APC: variants seen among roughly 807,000 people sequenced by gnomAD.
APC encodes adenomatous polyposis coli protein.
A neutral mutation model predicts 247.0 loss-of-function variants in APC; 72 were observed. That is an observed-to-expected ratio of 0.29 (90% CI 0.24 to 0.35). The LOEUF (loss-of-function observed/expected upper bound fraction) is 0.35, where lower values mean the gene tolerates loss of function less well. Among genes scored for constraint, APC ranks in the 10% least tolerant of loss-of-function variants. The pLI is 1.00. For synonymous variants in APC, 1,254 were observed against 1,162.5 expected, an observed-to-expected ratio of 1.08 and a Z score of -1.60; for missense variants, 3,400 against 3,360.7, an observed-to-expected ratio of 1.01 and a Z score of -0.29.
intron 1 of APC, among the ~76,000 whole-genome samples, chr5:112,722,350 A>G (rs2149658576): frequency 6.6e-6 from 1 of 152,360 alleles, no homozygotes; most frequent in South Asian, 2.1e-4. Context: ...AATCGTTAAC[A>G]TAGTAAAAGA....
rs587782349 is a variant in APC, at chr5:112,840,035, G to C, written c.4441G>C (p.Val1481Leu). ...AVNAAVQRVQ[V>L]LPDADTLLHF... is the part of the protein sequence containing the mutation. The stretch of plus-strand genomic sequence containing the variant: ...AAATGCTGCAGTTCAGAGGGTCCAG[G>C]TTCTTCCAGATGCTGATACTTTATT... Residue 1481 changes from valine (V) to leucine (L), a missense_variant, in exon 16 of 16, where the codon GTT becomes CTT. Val to Leu is a conservative substitution (Grantham distance 32). This residue lies in a region of APC where 1,788 missense variants were observed against 1,649.5 expected (regional missense o/e 1.08). Transcript: ENST00000257430. This position sits in a 1 kb window ranked among gnomAD's most constrained non-coding sequence, Gnocchi z 4.1. The C allele has an allele frequency of 1.2e-6, 2 of 1,614,108 alleles. No individual in the cohort carries two copies. Among genetic ancestry groups the C allele is most frequent in the South Asian group, 1.1e-5 (1 of 91,072 alleles).
Position 112,838,138 on chromosome 5 carries a change from A to G in APC, c.2544A>G (p.Lys848=), listed in dbSNP as rs764867930. Residue 848 remains lysine, a synonymous_variant, in exon 16 of 16, where the codon AAA becomes AAG. Transcript: ENST00000257430. The part of the protein sequence containing the change: ...RGSLDSSRSE[K]DRSLERERGI... ...GCTTAGATAGTTCTCGTTCTGAAAA[A>G]GATAGAAGTTTGGAGAGAGAACGCG... is the stretch of plus-strand genomic sequence containing the variant. 6.2e-7 allele frequency: 1 copy of G among 1,614,168 alleles called. No homozygotes were observed. Among genetic ancestry groups the G allele is most frequent in the Non-Finnish European group, 8.5e-7 (1 of 1,180,026 alleles).
In APC at chr5:112,842,076, G is replaced by C. The variant is rs1374834291; in HGVS notation, c.6482G>C (p.Ser2161Thr). 1 of 1,610,712 alleles carries C rather than the reference G, an allele frequency of 6.2e-7. No individual in the cohort carries two copies. The highest frequency in any genetic ancestry group is 8.5e-7 in the Non-Finnish European group (1 of 1,177,116). ...GATCAAGAAGAAAAACCCTTTACAA[G>C]TAATAAAGGCCCACGAATTCTAAAA... is the stretch of plus-strand genomic sequence containing the variant. Reference protein sequence around the residue: ...TPDQEEKPFTSNKGPRILKPG... With the variant: ...TPDQEEKPFTTNKGPRILKPG... The change falls in exon 16 of 16, where the codon AGT (serine) becomes ACT (threonine). Residue 2161 changes from serine to threonine, a missense_variant. Coordinates refer to ENST00000257430, the MANE Select transcript of APC (RefSeq NM_000038.6).
intron 8 of APC, among the ~76,000 whole-genome samples, chr5:112,811,767 A>G (rs969658470): frequency 6.6e-6 from 1 of 152,232 alleles, no homozygotes; most frequent in African/African-American, 2.4e-5. Context: ...CTATTGCTGC[A>G]TAACAAATTG....
chr5:112,724,724 G>T (rs10075377), intron 1 of APC, among the ~76,000 whole-genome samples: 60,226 of 151,950 alleles, frequency 0.4, 14,017 homozygotes, highest in East Asian at 0.67. Flanking sequence ...AAAAGCAGAT[G>T]TAAGAACCTT....
chr5:112,784,518 T>C (rs919461930), intron 6 of APC, among the ~76,000 whole-genome samples: 3 of 152,234 alleles, frequency 2.0e-5, no homozygotes, highest in African/African-American at 4.8e-5. Context: ...ATACTTACTT[T>C]AGGGCAGAAT....
chr5:112,716,652 C>T (rs1751187901), intron 1 of APC, among the ~76,000 whole-genome samples: 1 of 152,052 alleles, frequency 6.6e-6, no homozygotes, highest in African/African-American at 2.4e-5. Context: ...TAAGATGCTC[C>T]ATTATGATTG....
intron 5 of APC, 115 bp from the exon 6 acceptor site, chr5:112,780,675 C>T: frequency 1.4e-6 from 1 of 734,712 alleles, no homozygotes; most frequent in South Asian, 1.6e-5. Context: ...TCTCATGCAC[C>T]ATGACTGACG....
rs2149916643 is a variant in APC, at chr5:112,840,113, A to G, written c.4519A>G (p.Ser1507Gly). 1 of 1,614,148 alleles carries G rather than the reference A, an allele frequency of 6.2e-7. No homozygotes were observed. Among genetic ancestry groups the G allele is most frequent in the Non-Finnish European group, 8.5e-7 (1 of 1,180,016 alleles). ...PDGFSCSSSL[S>G]ALSLDEPFIQ... ...TGGATTTTCTTGTTCATCCAGCCTG[A>G]GTGCTCTGAGCCTCGATGAGCCATT... Residue 1507 changes from serine (S) to glycine (G), a missense_variant, in exon 16 of 16, where the codon AGT becomes GGT. Ser to Gly is a moderately conservative substitution (Grantham distance 56). Coordinates refer to ENST00000257430, the MANE Select transcript of APC (RefSeq NM_000038.6). The surrounding 1 kb of genome is among the most constrained non-coding windows in gnomAD (Gnocchi z 4.1).
chr5:112,814,946 ATTTC>A (rs1762346257), intron 8 of APC, among the ~76,000 whole-genome samples: 1 of 152,142 alleles, frequency 6.6e-6, no homozygotes, highest in African/African-American at 2.4e-5. Flanking sequence ...CTATGCAGTA[ATTTC>A]TTTCTTCCTG....
Position 112,843,333 on chromosome 5 carries a change from C to T in APC, c.7739C>T (p.Ser2580Phe), listed in dbSNP as rs1012830859. ...SSSILSASSE[S>F]SEKAKSEDEK... is the part of the protein sequence containing the mutation. ...TCAATTCTTTCTGCTTCATCAGAAT[C>T]CAGTGAAAAAGCAAAAAGTGAGGAT... Residue 2580 changes from serine to phenylalanine, a missense_variant, in exon 16 of 16, where the codon TCC (serine) becomes TTC (phenylalanine). Ser to Phe is a radical substitution (Grantham distance 155, BLOSUM62 -2). This residue lies in a region of APC where 1,788 missense variants were observed against 1,649.5 expected (regional missense o/e 1.08). Coordinates refer to ENST00000257430, the MANE Select transcript of APC (RefSeq NM_000038.6). The surrounding 1 kb of genome is among the most constrained non-coding windows in gnomAD (Gnocchi z 4.8). The T allele has an allele frequency of 6.2e-7, 1 of 1,613,672 alleles. No individual in the cohort carries two copies. Among genetic ancestry groups the T allele is most frequent in the South Asian group, 1.1e-5 (1 of 91,050 alleles).
intron 5 of APC, among the ~76,000 whole-genome samples, chr5:112,778,778 C>T (rs1203578191): frequency 1.3e-5 from 2 of 152,102 alleles, no homozygotes; most frequent in African/African-American, 4.8e-5. Flanking sequence ...ATCCTGACCT[C>T]GTGATCCACC....
chr5:112,756,505 T>TAAA (rs775730929), intron 2 of APC, among the ~76,000 whole-genome samples: 1 of 152,230 alleles, frequency 6.6e-6, no homozygotes, highest in Non-Finnish European at 1.5e-5. Flanking sequence ...CATGTGTTTT[T>TAAA]AAAAGTTTTA....
At chr5:112,807,254 A>G (rs891948939) in intron 8 of APC, among the ~76,000 whole-genome samples, 5 of 152,142 alleles carry the variant, frequency 3.3e-5, no homozygotes, top group Non-Finnish European at 7.4e-5. Flanking sequence ...TTCTATGGCA[A>G]TTACAGTTTG....
intron 7 of APC, among the ~76,000 whole-genome samples, chr5:112,800,951 C>A (rs1430372887): frequency 6.6e-6 from 1 of 152,064 alleles, no homozygotes; most frequent in Non-Finnish European, 1.5e-5. Flanking sequence ...TGTGTCCTTG[C>A]AGAAAAGATA....
intron 4 of APC, among the ~76,000 whole-genome samples, chr5:112,774,761 G>GC: frequency 6.6e-6 from 1 of 151,840 alleles, no homozygotes; most frequent in East Asian, 1.9e-4. Flanking sequence ...ACAGGCATGT[G>GC]CCACCACACC....
intron 9 of APC, 107 bp from the exon 10 acceptor site, chr5:112,818,858 GT>G: frequency 1.0e-6 from 1 of 995,216 alleles, no homozygotes; most frequent in Non-Finnish European, 1.5e-6. Flanking sequence ...GGGGGGGGTT[GT>G]TTTGTTTTTT....
At chr5:112,806,125 A>G (rs905237190) in intron 8 of APC, among the ~76,000 whole-genome samples, 1 of 152,188 alleles carries the variant, frequency 6.6e-6, no homozygotes, top group African/African-American at 2.4e-5. Context: ...AGTTAACACC[A>G]GTTCATGTGT....
rs786201856 is a variant in APC, at chr5:112,815,507, C to G, written c.847C>G (p.Arg283Gly). ...TSGNGQGSTTRMDHETASVLS... is the reference protein window; with the variant it reads ...TSGNGQGSTTGMDHETASVLS... ...GCTTAATTTTTAGGGTTCAACTACA[C>G]GAATGGACCATGAAACAGCCAGTGT... Residue 283 changes from arginine (R) to glycine (G), a missense_variant, in exon 9 of 16, where the codon CGA (arginine) becomes GGA (glycine). Around this residue, in one of 9 missense-constraint regions of APC, gnomAD observed 372 missense variants for 367.6 expected, o/e 1.01. Transcript: ENST00000257430. 1 of 1,610,914 alleles carries G rather than the reference C, an allele frequency of 6.2e-7. No individual in the cohort carries two copies. Among genetic ancestry groups the G allele is most frequent in the Non-Finnish European group, 8.5e-7 (1 of 1,177,806 alleles).
Sources: gnomAD v4.1 joint callset for allele counts (sites outside exome capture counted in the v4.1 genomes callset) on GRCh38, gnomAD v4.1.1 for gene constraint, gnomAD v4.1.1 regional missense constraint, Gnocchi (gnomAD v3.1) non-coding constraint, MANE v1.5 for transcripts, NCBI Gene and HGNC (gene_info 2026-07-23, HGNC 2026-07-21) for gene names.